The following UBLCP1 variants were observed in gnomAD, a reference collection of about 807,000 sequenced individuals.
UBLCP1 encodes the protein ubiquitin like domain containing CTD phosphatase 1, also known as ubiquitin-like domain-containing CTD phosphatase 1.
UBLCP1 carries 28 observed loss-of-function variants against 42.4 expected under a neutral mutation model. The observed-to-expected ratio is 0.66, with a 90% CI of 0.49 to 0.90. UBLCP1 has a LOEUF of 0.90. Among genes scored for constraint, UBLCP1 ranks in the 40% least tolerant of loss-of-function variants. The pLI is 0.00. For missense variants in UBLCP1, 279 were observed against 374.5 expected (o/e 0.75, Z 2.10); for synonymous variants, 122 against 120.8 (o/e 1.01, Z -0.07).
At position 159,278,852 on chromosome 5, in the gene UBLCP1, A is replaced by G. The variant is rs935447635; in HGVS notation, c.801+498A>G. ...TCCCACAAGTGCTGGGATTACAGGCATGAGCCACTGCGCCCGGCCCAAGTG... is the reference window on the plus strand; with the variant it reads ...TCCCACAAGTGCTGGGATTACAGGCGTGAGCCACTGCGCCCGGCCCAAGTG... On this transcript the variant is annotated intron_variant, in intron 9 of 10. Coordinates refer to ENST00000296786, the MANE Select transcript of UBLCP1 (RefSeq NM_145049.5). Among the ~76,000 whole-genome samples, 8 of 152,264 alleles carry G rather than the reference A, an allele frequency of 5.3e-5. No individual in the cohort carries two copies. In the East Asian group the frequency reaches 9.7e-4, roughly 18 times the overall value.
chr5:159,283,186 GTTGAGTAATGT>G lies in UBLCP1; in HGVS notation c.802-22_802-12del, dbSNP rs1753627848. 1.3e-6 allele frequency: 2 copies of G among 1,594,664 alleles called. No homozygotes were observed. The highest frequency in any genetic ancestry group is 1.7e-6 in the Non-Finnish European group (2 of 1,173,648). ...AGTTTTCCTTATCACATTGTGATGT[GTTGAGTAATGT>G]TTGTTTCCTAATAGATAAGGCCTTT... On this transcript the variant is annotated splice_polypyrimidine_tract_variant and intron_variant, in intron 9 of 10. Transcript: ENST00000296786.
intron 1 of UBLCP1, among the ~76,000 whole-genome samples, chr5:159,266,538 A>C (rs1395982421): frequency 6.6e-6 from 1 of 152,236 alleles, no homozygotes; most frequent in African/African-American, 2.4e-5. Flanking sequence ...GGAGAAATTC[A>C]AGCTGGCTGC....
chr5:159,266,878 T>G (rs1362607068), intron 1 of UBLCP1, among the ~76,000 whole-genome samples: 2 of 152,144 alleles, frequency 1.3e-5, no homozygotes, highest in African/African-American at 4.8e-5. Flanking sequence ...AGAATTGAGG[T>G]TTGGGAACCT....
chr5:159,270,338 A>T (rs922188692), intron 3 of UBLCP1, 22 bp from the exon 4 acceptor site: 2 of 1,590,598 alleles, frequency 1.3e-6, no homozygotes, highest in African/African-American at 2.7e-5. Context: ...ATGGTAGAAC[A>T]AAACTTTTTC....
At chr5:159,276,205 T>A (rs1753533455) in intron 8 of UBLCP1, among the ~76,000 whole-genome samples, 2 of 152,104 alleles carry the variant, frequency 1.3e-5, no homozygotes, top group Admixed American at 1.3e-4. Context: ...GGAGAATTGC[T>A]CAAACCCAGG....
chr5:159,274,481 G>T, intron 6 of UBLCP1, 104 bp from the exon 7 acceptor site: 4 of 849,170 alleles, frequency 4.7e-6, no homozygotes, highest in Non-Finnish European at 7.4e-6. Context: ...TAATTCTGAT[G>T]CATTTAAACT....
chr5:159,273,834 T>TCACACA (rs34999232), intron 6 of UBLCP1, among the ~76,000 whole-genome samples: 3,755 of 148,646 alleles, frequency 0.025, 89 homozygotes, highest in East Asian at 0.083. Flanking sequence ...CTTTTAAAAA[T>TCACACA]CACACACACA....
intron 10 of UBLCP1, among the ~76,000 whole-genome samples, chr5:159,284,029 C>G (rs534540532): frequency 6.6e-6 from 1 of 152,252 alleles, no homozygotes; most frequent in Non-Finnish European, 1.5e-5. Flanking sequence ...TCCAGTAATA[C>G]AGCACCAAAA....
intron 9 of UBLCP1, among the ~76,000 whole-genome samples, chr5:159,280,393 C>G (rs952322957): frequency 3.3e-5 from 5 of 152,168 alleles, no homozygotes; most frequent in Non-Finnish European, 5.9e-5. Flanking sequence ...GCCTCGACTT[C>G]CCTTGCTCCA....
intron 3 of UBLCP1, 94 bp from the exon 4 acceptor site, chr5:159,270,266 C>T: frequency 9.2e-7 from 1 of 1,087,518 alleles, no homozygotes; most frequent in Admixed American, 2.3e-5. Flanking sequence ...GACTCTGGAA[C>T]TCAAATTGTA....
rs565019890 is a variant in UBLCP1 at position 159,282,209 on chromosome 5, A to G, written c.802-1003A>G. On this transcript the variant is annotated intron_variant, in intron 9 of 10. Transcript: ENST00000296786. ...ATTAATTTAAAATTATTGAAAGACT[A>G]TCTTGAGTTGTATAAAGATATTTGA... Among the ~76,000 whole-genome samples the G allele has an allele frequency of 2.3e-4, 35 of 152,324 alleles. 1 individual carries two copies. The South Asian group carries it at 6.4e-3, about 28-fold the overall frequency.
At chr5:159,270,862 T>TATATATATATAAAA (rs1562098886) in intron 5 of UBLCP1, among the ~76,000 whole-genome samples, 1 of 149,608 alleles carries the variant, frequency 6.7e-6, no homozygotes, top group African/African-American at 2.4e-5. Context: ...CTTAGTAATT[T>TATATATATATAAAA]GATATATATC....
Position 159,285,075 on chromosome 5 carries a change from AT to A in UBLCP1, c.*148del. Reference sequence around the variant, plus strand: ...GGTCTTCCAGTTTTTTGTAAATTTAATTTTATATTTTTTGAAGATGATAGCA... The same window carrying A: ...GGTCTTCCAGTTTTTTGTAAATTTAATTTATATTTTTTGAAGATGATAGCA... On this transcript the variant is annotated 3_prime_UTR_variant, in exon 11 of 11. Transcript: ENST00000296786. The A allele has an allele frequency of 2.7e-6, 2 of 733,010 alleles. No individual in the cohort carries two copies. The highest frequency in any genetic ancestry group is 2.2e-6 in the Non-Finnish European group (1 of 454,748). 45.4% of individuals were successfully genotyped at this position (733,010 alleles called of 1,614,324 possible).
rs1341436785 is a variant in UBLCP1, at chr5:159,285,657, G to C, written c.*726G>C. 6.6e-6 allele frequency: 1 copy of C among 152,280 alleles called. No homozygotes were observed. Among genetic ancestry groups the C allele is most frequent in the African/African-American group, 2.4e-5 (1 of 41,446 alleles). 9.4% of individuals were successfully genotyped at this position (152,280 alleles called of 1,614,324 possible). ...AATAAAAACTAAGGAACAAGAATGA[G>C]TCTCTTTTTGGTGGCTAAGTAGAAT... On this transcript the variant is annotated 3_prime_UTR_variant, in exon 11 of 11. Transcript: ENST00000296786.
intron 8 of UBLCP1, among the ~76,000 whole-genome samples, chr5:159,276,271 G>C (rs1458031420): frequency 6.6e-6 from 1 of 152,106 alleles, no homozygotes; most frequent in Non-Finnish European, 1.5e-5. Flanking sequence ...CTGGGTGACA[G>C]AGCAAGATTC....
intron 8 of UBLCP1, among the ~76,000 whole-genome samples, chr5:159,277,213 T>C (rs1396159629): frequency 6.6e-6 from 1 of 151,510 alleles, no homozygotes; most frequent in African/African-American, 2.4e-5. Context: ...GTAAACAAGA[T>C]CAGTAGCAAA....
At chr5:159,264,623 T>C (rs980233515) in intron 1 of UBLCP1, among the ~76,000 whole-genome samples, 1 of 152,226 alleles carries the variant, frequency 6.6e-6, no homozygotes, top group Non-Finnish European at 1.5e-5. Flanking sequence ...GGCACATTTT[T>C]TTTAAGGCTG....
At chr5:159,263,744 C>A (rs1376370942) in intron 1 of UBLCP1, among the ~76,000 whole-genome samples, 3 of 152,248 alleles carry the variant, frequency 2.0e-5, no homozygotes, top group Non-Finnish European at 4.4e-5. Context: ...CCCGACCCTG[C>A]ACCACCTCGC....
rs1562098344 is a variant in UBLCP1, at chr5:159,269,059, CAAAGTT to C, written c.149_154del (p.Val50_Lys51del). 8 of 1,581,872 alleles carry C rather than the reference CAAAGTT, an allele frequency of 5.1e-6. No individual in the cohort carries two copies. Among genetic ancestry groups the C allele is most frequent in the East Asian group, 2.3e-5 (1 of 42,988 alleles). On this transcript the variant is annotated inframe_deletion, in exon 2 of 11. Transcript: ENST00000296786. ...CAGAACGCCAAAAGTTACTTGGACTCAAAGTTAAAGGTAATTCTCTCCCCTCTTCAG... is the reference window on the plus strand; with the variant it reads ...CAGAACGCCAAAAGTTACTTGGACTCAAAGGTAATTCTCTCCCCTCTTCAG...
Sources: allele counts gnomAD v4.1 joint callset (sites outside exome capture counted in the v4.1 genomes callset), GRCh38; gene constraint gnomAD v4.1.1; transcripts MANE v1.5; gene names NCBI Gene and HGNC (gene_info 2026-07-23, HGNC 2026-07-21).